Variants in C16orf86 observed in about 807,000 individuals in gnomAD.
The protein encoded by C16orf86 is uncharacterized protein C16orf86.
C16orf86 carries 19 observed loss-of-function variants against 21.5 expected under a neutral mutation model. The observed-to-expected ratio is 0.88, with a 90% confidence interval of 0.62 to 1.30. The LOEUF (loss-of-function observed/expected upper bound fraction) is 1.30. Ranked by LOEUF, C16orf86 falls within the 50% of genes most tolerant of loss-of-function variation. The pLI, the probability that C16orf86 is intolerant of heterozygous loss-of-function variation, is 0.00. For synonymous variants in C16orf86, 188 were observed against 183.5 expected (o/e 1.02, Z -0.20); for missense variants, 391 against 415.8 (o/e 0.94, Z 0.52).
At position 67,668,392 on chromosome 16, in the gene C16orf86, C is replaced by T. The variant is rs1408185852; in HGVS notation, c.746C>T (p.Ala249Val). 1 of 1,612,584 alleles carries T rather than the reference C, an allele frequency of 6.2e-7. No homozygotes were observed. Among genetic ancestry groups the T allele is most frequent in the South Asian group, 1.1e-5 (1 of 90,990 alleles). ...PLAGELGPGL[A>V]LPCPSPLVTP... ...GCAGGTGAGCTGGGCCCAGGCCTCGCTTTGCCCTGTCCCAGTCCACTAGTG... is the reference window on the plus strand; with the variant it reads ...GCAGGTGAGCTGGGCCCAGGCCTCGTTTTGCCCTGTCCCAGTCCACTAGTG... The change falls in exon 4 of 4, where the codon GCT becomes GTT. Residue 249 changes from alanine to valine, a missense_variant. Ala to Val is a moderately conservative substitution (Grantham distance 64). Transcript: ENST00000403458.
Position 67,667,306 on chromosome 16 carries a change from C to T in C16orf86, c.113C>T (p.Ala38Val), listed in dbSNP as rs924092738. ...GTGTGTCATCTCTAGTGTCCAGTGG[C>T]GGGAGACCAGTTCCTGGTGCCTGCC... ...GSAQTSECPVAGDQFLVPAHE... is the reference protein window; with the variant it reads ...GSAQTSECPVVGDQFLVPAHE... The change falls in exon 2 of 4, where the codon GCG (alanine) becomes GTG (valine). Residue 38 changes from alanine to valine, a missense_variant. Coordinates refer to ENST00000403458, the MANE Select transcript of C16orf86 (RefSeq NM_001012984.3). 30 of 1,610,626 alleles carry T rather than the reference C, an allele frequency of 1.9e-5. No individual in the cohort carries two copies. Among genetic ancestry groups the T allele is most frequent in the Non-Finnish European group, 2.2e-5 (26 of 1,178,928 alleles).
In C16orf86 at chr16:67,668,043, G is replaced by A. The variant is rs765362395; in HGVS notation, c.498G>A (p.Val166=). ...AGCGCAAGAGCCTGGGGGCTCCCGT[G>A]CTCCACGCTGTGGCCAGCATGGTGT... ...AKKRKSLGAP[V]LHAVASMVSA... Residue 166 remains valine (V), a synonymous_variant, in exon 3 of 4, where the codon GTG becomes GTA. Coordinates refer to ENST00000403458, the MANE Select transcript of C16orf86 (RefSeq NM_001012984.3). The A allele has an allele frequency of 6.2e-7, 1 of 1,612,278 alleles. No homozygotes were observed. The highest frequency in any genetic ancestry group is 1.1e-5 in the South Asian group (1 of 91,038).
rs1597784770 is a variant in C16orf86 at position 67,667,409 on chromosome 16, A to C, written c.216A>C (p.Gly72=). The C allele has an allele frequency of 6.2e-7, 1 of 1,612,346 alleles. No homozygotes were observed. The highest frequency in any genetic ancestry group is 1.1e-5 in the South Asian group (1 of 91,064). The change falls in exon 2 of 4, where the codon GGA becomes GGC. Residue 72 remains glycine, a synonymous_variant. Coordinates refer to ENST00000403458, the MANE Select transcript of C16orf86 (RefSeq NM_001012984.3). The stretch of plus-strand genomic sequence containing the variant: ...CGGAGTCGGAGCTCCAGGAGGAAGG[A>C]CCCAAGCTGGGGGAGGAGCGGCCCA... ...AASESELQEE[G]PKLGEERPKP...
chr16:67,667,028 C>T lies in C16orf86; in HGVS notation c.58C>T (p.Gln20Ter), dbSNP rs934397757. 2 of 1,455,280 alleles carry T rather than the reference C, an allele frequency of 1.4e-6. No individual in the cohort carries two copies. The highest frequency in any genetic ancestry group is 1.4e-5 in the African/African-American group (1 of 70,386). The allele number at this position is 1,455,280 out of a possible 1,614,324, so 90.1% of individuals were successfully genotyped here. A position where few individuals can be genotyped will look rare whatever the true frequency, so the allele number is the denominator to read the frequency against. ...PGVQEATVVG[Q>*]GQLTEEPGSA... The stretch of plus-strand genomic sequence containing the variant: ...GGTCCAGGAGGCGACGGTCGTGGGG[C>T]AGGGACAGCTCACGGAGGAGCCCGG... The change falls in exon 1 of 4, where the codon CAG becomes TAG. Residue 20 changes from glutamine to a stop codon, truncating the protein, a stop_gained. Coordinates refer to ENST00000403458, the MANE Select transcript of C16orf86 (RefSeq NM_001012984.3). LOFTEE classifies it high-confidence loss of function.
At position 67,667,746 on chromosome 16, in the gene C16orf86, G is replaced by A. The variant is rs771998668; in HGVS notation, c.333-132G>A. ...GCTCACTGGCCTCTAAGCCTCTTGG[G>A]CCTGGGGTCTCATTGACCAGGAACG... On this transcript the variant is annotated intron_variant, in intron 2 of 3. Transcript: ENST00000403458. 2.3e-4 allele frequency: 351 copies of A among 1,515,632 alleles called. 4 individuals carry two copies. The South Asian group carries it at 3.8e-3, about 16-fold the overall frequency. 93.9% of individuals were successfully genotyped at this position (1,515,632 alleles called of 1,614,324 possible).
rs1040604324 is a variant in C16orf86, at chr16:67,667,759, T to A, written c.333-119T>A. 12 of 1,515,620 alleles carry A rather than the reference T, an allele frequency of 7.9e-6. No individual in the cohort carries two copies. The East Asian group carries it at 3.0e-4, about 37-fold the overall frequency. 93.9% of individuals were successfully genotyped at this position (1,515,620 alleles called of 1,614,324 possible). On this transcript the variant is annotated intron_variant, in intron 2 of 3. Coordinates refer to ENST00000403458, the MANE Select transcript of C16orf86 (RefSeq NM_001012984.3). ...TAAGCCTCTTGGGCCTGGGGTCTCA[T>A]TGACCAGGAACGGGACAGGCGTCGA...
intron 2 of C16orf86, 80 bp from the exon 3 acceptor site, chr16:67,667,798 G>A (rs1373532601): frequency 2.0e-6 from 3 of 1,518,818 alleles, no homozygotes; most frequent in South Asian, 2.5e-5. Context: ...CTGGGGCTGT[G>A]GGCAGGCTGG....
Position 67,667,867 on chromosome 16 carries a change from C to T in C16orf86, c.333-11C>T, listed in dbSNP as rs1340756976. 3 of 1,557,142 alleles carry T rather than the reference C, an allele frequency of 1.9e-6. No individual in the cohort carries two copies. Among genetic ancestry groups the T allele is most frequent in the Non-Finnish European group, 1.7e-6 (2 of 1,151,258 alleles). On this transcript the variant is annotated splice_polypyrimidine_tract_variant and intron_variant, in intron 2 of 3. Transcript: ENST00000403458. ...CTGGAGCCTGGCTCAAGTCTCTTGT[C>T]CCTGGCTCAGGTCTCTCAGCCTCCC...
In C16orf86 at chr16:67,667,909, C is replaced by T. The variant is rs2053126527; in HGVS notation, c.364C>T (p.Leu122Phe). The T allele has an allele frequency of 6.2e-7, 1 of 1,610,618 alleles. No homozygotes were observed. The highest frequency in any genetic ancestry group is 1.3e-5 in the African/African-American group (1 of 75,000). ...CAGCCTCCCGGGCCTTCGTGCCCAT[C>T]TTAAGGCTGAAGCTGAGCTGCCACC... is the stretch of plus-strand genomic sequence containing the variant. ...SLSLPGLRAH[L>F]KAEAELPPKL... Residue 122 changes from leucine to phenylalanine, a missense_variant, in exon 3 of 4, where the codon CTT (leucine) becomes TTT (phenylalanine). Leu to Phe is a conservative substitution (Grantham distance 22). Coordinates refer to ENST00000403458, the MANE Select transcript of C16orf86 (RefSeq NM_001012984.3).
At position 67,668,105 on chromosome 16, in the gene C16orf86, G is replaced by C. The variant is rs984454285; in HGVS notation, c.553+7G>C. The C allele has an allele frequency of 3.7e-6, 6 of 1,611,842 alleles. No homozygotes were observed. The African/African-American group carries it at 6.7e-5, about 18-fold the overall frequency. On this transcript the variant is annotated splice_region_variant and intron_variant, in intron 3 of 3. Transcript: ENST00000403458. The stretch of plus-strand genomic sequence containing the variant: ...GAGACATTGAGGCTGGAGCGTGAGT[G>C]GCAGTCCCTGGACTGTTCCTTCTCC...
In C16orf86 at chr16:67,668,186, C is replaced by T; in HGVS notation, c.554-14C>T. ...CTGGCGCTCTAGCCTCTGCCCTGCC[C>T]TGGGTCTTTGCAGGAAAGGCCCAGC... is the stretch of plus-strand genomic sequence containing the variant. On this transcript the variant is annotated splice_polypyrimidine_tract_variant and intron_variant, in intron 3 of 3. Transcript: ENST00000403458. The T allele has an allele frequency of 6.3e-7, 1 of 1,576,378 alleles. No individual in the cohort carries two copies. Among genetic ancestry groups the T allele is most frequent in the Middle Eastern group, 1.7e-4 (1 of 5,890 alleles).
At position 67,668,256 on chromosome 16, in the gene C16orf86, C is replaced by A; in HGVS notation, c.610C>A (p.Leu204Met). The A allele has an allele frequency of 6.2e-7, 1 of 1,605,066 alleles. No homozygotes were observed. Among genetic ancestry groups the A allele is most frequent in the Non-Finnish European group, 8.5e-7 (1 of 1,175,970 alleles). ...YQYVNYCNPELNQAGKGDGEA... is the reference protein window; with the variant it reads ...YQYVNYCNPEMNQAGKGDGEA... ...GTACGTCAACTATTGCAACCCTGAG[C>A]TGAACCAGGCAGGGAAGGGGGACGG... Residue 204 changes from leucine to methionine, a missense_variant, in exon 4 of 4, where the codon CTG becomes ATG. Coordinates refer to ENST00000403458, the MANE Select transcript of C16orf86 (RefSeq NM_001012984.3).
chr16:67,668,103 G>C lies in C16orf86; in HGVS notation c.553+5G>C, dbSNP rs2142990708. 1 of 1,612,166 alleles carries C rather than the reference G, an allele frequency of 6.2e-7. No individual in the cohort carries two copies. Among genetic ancestry groups the C allele is most frequent in the Admixed American group, 1.7e-5 (1 of 59,958 alleles). ...TAGAGACATTGAGGCTGGAGCGTGA[G>C]TGGCAGTCCCTGGACTGTTCCTTCT... On this transcript the variant is annotated splice_donor_5th_base_variant and intron_variant, in intron 3 of 3. Transcript: ENST00000403458.
chr16:67,667,765 A>G (rs1283717230), intron 2 of C16orf86, 113 bp from the exon 3 acceptor site: 2 of 1,516,548 alleles, frequency 1.3e-6, no homozygotes, highest in African/African-American at 1.4e-5. Context: ...CTCATTGACC[A>G]GGAACGGGAC....
chr16:67,667,947 G>A lies in C16orf86; in HGVS notation c.402G>A (p.Leu134=). ...AEAELPPKLP[L]QEEEPEDSQS... ...CTGAGCTGCCACCCAAGCTGCCGCT[G>A]CAGGAGGAGGAGCCAGAGGACAGCC... is the stretch of plus-strand genomic sequence containing the variant. Residue 134 remains leucine, a synonymous_variant, in exon 3 of 4, where the codon CTG becomes CTA. Coordinates refer to ENST00000403458, the MANE Select transcript of C16orf86 (RefSeq NM_001012984.3). The A allele has an allele frequency of 6.2e-7, 1 of 1,613,246 alleles. No homozygotes were observed. Among genetic ancestry groups the A allele is most frequent in the Admixed American group, 1.7e-5 (1 of 60,014 alleles).
At position 67,668,299 on chromosome 16, in the gene C16orf86, C is replaced by T; in HGVS notation, c.653C>T (p.Ala218Val). The change falls in exon 4 of 4, where the codon GCA becomes GTA. Residue 218 changes from alanine to valine, a missense_variant. Ala to Val is a moderately conservative substitution (Grantham distance 64). Transcript: ENST00000403458. Reference protein sequence around the residue: ...GKGDGEAEVEAEAELAPVPEE... With the variant: ...GKGDGEAEVEVEAELAPVPEE... ...GGGGACGGGGAGGCTGAGGTGGAGG[C>T]AGAGGCAGAGCTGGCCCCGGTTCCC... The T allele has an allele frequency of 6.2e-7, 1 of 1,612,038 alleles. No homozygotes were observed. Among genetic ancestry groups the T allele is most frequent in the Non-Finnish European group, 8.5e-7 (1 of 1,179,536 alleles).
Position 67,668,705 on chromosome 16 carries a change from C to T in C16orf86, c.*105C>T. On this transcript the variant is annotated 3_prime_UTR_variant, in exon 4 of 4. Coordinates refer to ENST00000403458, the MANE Select transcript of C16orf86 (RefSeq NM_001012984.3). ...TGGCGGGGGCAAATTTGGCACCTGC[C>T]CCCACTTGGGACTTTGGTCTTGCTG... The T allele has an allele frequency of 1.1e-6, 1 of 902,144 alleles. No homozygotes were observed. The highest frequency in any genetic ancestry group is 1.8e-6 in the Non-Finnish European group (1 of 568,980). The allele number at this position is 902,144 out of a possible 1,614,324, so 55.9% of individuals were successfully genotyped here. A position where few individuals can be genotyped will look rare whatever the true frequency, so the allele number is the denominator to read the frequency against.
In C16orf86 at chr16:67,668,269, G is replaced by A. The variant is rs754626792; in HGVS notation, c.623G>A (p.Gly208Glu). ...TGCAACCCTGAGCTGAACCAGGCAG[G>A]GAAGGGGGACGGGGAGGCTGAGGTG... ...NYCNPELNQA[G>E]KGDGEAEVEA... The change falls in exon 4 of 4, where the codon GGG (glycine) becomes GAG (glutamate). Residue 208 changes from glycine (G) to glutamate (E), a missense_variant. Transcript: ENST00000403458. 3.1e-6 allele frequency: 5 copies of A among 1,609,360 alleles called. No homozygotes were observed. The highest frequency in any genetic ancestry group is 1.7e-6 in the Non-Finnish European group (2 of 1,178,196).
Position 67,668,074 on chromosome 16 carries a change from C to T in C16orf86, c.529C>T (p.Pro177Ser). 1 of 1,612,848 alleles carries T rather than the reference C, an allele frequency of 6.2e-7. No homozygotes were observed. The highest frequency in any genetic ancestry group is 8.5e-7 in the Non-Finnish European group (1 of 1,179,720). ...LHAVASMVSA[P>S]LETLRLERKA... ...CGCTGTGGCCAGCATGGTGTCTGCA[C>T]CCTTAGAGACATTGAGGCTGGAGCG... The change falls in exon 3 of 4, where the codon CCC becomes TCC. Residue 177 changes from proline (P) to serine (S), a missense_variant. Pro to Ser is a moderately conservative substitution (Grantham distance 74, BLOSUM62 -1). Transcript: ENST00000403458.
Sources: gnomAD v4.1 joint callset for allele counts on GRCh38, gnomAD v4.1.1 for gene constraint, MANE v1.5 for transcripts, NCBI Gene and HGNC (gene_info 2026-07-23, HGNC 2026-07-21) for gene names.